The following DLGAP1 variants were observed in gnomAD, a reference collection of about 807,000 sequenced individuals.
DLGAP1 encodes DLG associated protein 1, also known as disks large-associated protein 1.
Under a neutral mutation model 90.8 loss-of-function variants are expected in DLGAP1, and 11 were observed. The observed-to-expected ratio is 0.12, with a 90% CI of 0.08 to 0.20. DLGAP1 has a LOEUF of 0.20. Among genes scored for constraint, DLGAP1 ranks in the 10% least tolerant of loss-of-function variants. The probability of loss-of-function intolerance (pLI) is 1.00; values close to 1 mark genes in which losing one functional copy is unlikely to be tolerated. For synonymous variants in DLGAP1, 558 were observed against 540.7 expected (o/e 1.03, Z -0.44); for missense variants, 1,050 against 1,333.8 (o/e 0.79, Z 3.31).
At chr18:3,850,715 C>A (rs1237051739) in intron 4 of DLGAP1, among the ~76,000 whole-genome samples, 1 of 152,116 alleles carries the variant, frequency 6.6e-6, no homozygotes, top group African/African-American at 2.4e-5. Context: ...CAGCATCATC[C>A]TAGAACAGGC....
chr18:3,892,998 T>A (rs1335059393), intron 3 of DLGAP1, among the ~76,000 whole-genome samples: 1 of 151,392 alleles, frequency 6.6e-6, no homozygotes, highest in Non-Finnish European at 1.5e-5. Context: ...GCTTTTAGTG[T>A]AGCCATCCCC....
At chr18:4,288,418 T>G (rs867815805) in intron 1 of DLGAP1, among the ~76,000 whole-genome samples, 1 of 152,156 alleles carries the variant, frequency 6.6e-6, no homozygotes, top group African/African-American at 2.4e-5. Flanking sequence ...CAAGAGAATT[T>G]TAGCTTTTCC....
chr18:4,101,481 T>G (rs1189885465), intron 2 of DLGAP1, among the ~76,000 whole-genome samples: 1 of 152,132 alleles, frequency 6.6e-6, no homozygotes, highest in Non-Finnish European at 1.5e-5. Flanking sequence ...AAAATATAAT[T>G]GTGAGAATTA....
intron 5 of DLGAP1, among the ~76,000 whole-genome samples, chr18:3,763,315 C>T (rs2064059113): frequency 6.6e-6 from 1 of 152,188 alleles, no homozygotes. Flanking sequence ...ACTCTTGGAC[C>T]TTCAACTACA....
intron 4 of DLGAP1, among the ~76,000 whole-genome samples, chr18:3,833,191 TTCCTTCCTTCCTTCCTTCCTTCC>T (rs2068149835): frequency 1.0e-4 from 10 of 98,566 alleles, no homozygotes; most frequent in African/African-American, 3.5e-4. Flanking sequence ...CCTTCCTTCC[TTCCTTCCTTCCTTCCTTCCTTCC>T]TTCCTTCCTT....
chr18:3,860,865 T>G (rs1038690935), intron 4 of DLGAP1, among the ~76,000 whole-genome samples: 2 of 152,232 alleles, frequency 1.3e-5, no homozygotes, highest in African/African-American at 4.8e-5. Context: ...TATACTCCCA[T>G]AGAAATACTT....
intron 1 of DLGAP1, among the ~76,000 whole-genome samples, chr18:4,360,956 CAA>C (rs569868348): frequency 7.2e-6 from 1 of 138,468 alleles, no homozygotes. Flanking sequence ...GATTCTACGT[CAA>C]AAAAAAAAAG....
chr18:3,693,793 G>C (rs2060983741), intron 7 of DLGAP1, among the ~76,000 whole-genome samples: 1 of 152,232 alleles, frequency 6.6e-6, no homozygotes, highest in Admixed American at 6.5e-5. Context: ...GAAGCTGCTA[G>C]AGGAGCATTT....
At chr18:3,791,343 A>T (rs1340538087) in intron 5 of DLGAP1, among the ~76,000 whole-genome samples, 4 of 151,004 alleles carry the variant, frequency 2.6e-5, no homozygotes, top group Non-Finnish European at 5.9e-5. Flanking sequence ...TGTGAAAACC[A>T]GCATTTTTTT....
intron 5 of DLGAP1, among the ~76,000 whole-genome samples, chr18:3,772,344 C>CTTTCTTTCTTTCTTTCTTTCTTTCTT (rs2064659708): frequency 1.3e-4 from 2 of 15,224 alleles, no homozygotes; most frequent in African/African-American, 3.8e-4. Context: ...CTCTCTCTCT[C>CTTTCTTTCTTTCTTTCTTTCTTTCTT]TCTCTTTCTT....
At chr18:3,855,385 G>A (rs2069578143) in intron 4 of DLGAP1, among the ~76,000 whole-genome samples, 1 of 151,960 alleles carries the variant, frequency 6.6e-6, no homozygotes, top group African/African-American at 2.4e-5. Context: ...CCCTTGGCAG[G>A]CAATTTGCCT....
At chr18:3,926,290 G>A (rs1417580009) in intron 3 of DLGAP1, among the ~76,000 whole-genome samples, 1 of 152,060 alleles carries the variant, frequency 6.6e-6, no homozygotes, top group Non-Finnish European at 1.5e-5. Flanking sequence ...CACAAGATGT[G>A]AGCAGCAGTC....
intron 10 of DLGAP1, among the ~76,000 whole-genome samples, chr18:3,516,436 C>T (rs2050852316): frequency 6.6e-6 from 1 of 152,226 alleles, no homozygotes; most frequent in Non-Finnish European, 1.5e-5. Context: ...TGCCCAGGTC[C>T]ATCAGAGGAC....
intron 11 of DLGAP1, among the ~76,000 whole-genome samples, chr18:3,503,047 A>G (rs939553301): frequency 5.3e-5 from 8 of 152,236 alleles, no homozygotes; most frequent in African/African-American, 1.9e-4. Context: ...ATGCCATACA[A>G]TTTATTCAGA....
At chr18:3,834,313 A>G in intron 4 of DLGAP1, among the ~76,000 whole-genome samples, 1 of 149,404 alleles carries the variant, frequency 6.7e-6, no homozygotes, top group African/African-American at 2.5e-5. Flanking sequence ...CTCAAAAAAA[A>G]AAAAAAAAAA....
At chr18:3,834,867 T>A (rs1276107150) in intron 4 of DLGAP1, among the ~76,000 whole-genome samples, 1 of 152,236 alleles carries the variant, frequency 6.6e-6, no homozygotes, top group Non-Finnish European at 1.5e-5. Context: ...CATTTTAGAA[T>A]TTGTGTTGTC....
At chr18:3,976,989 G>A (rs1469656080) in intron 3 of DLGAP1, among the ~76,000 whole-genome samples, 1 of 152,192 alleles carries the variant, frequency 6.6e-6, no homozygotes, top group African/African-American at 2.4e-5. Context: ...TTCTTTAGTA[G>A]CTATACAATC....
At chr18:4,226,930 A>T (rs1422795918) in intron 1 of DLGAP1, among the ~76,000 whole-genome samples, 2 of 152,014 alleles carry the variant, frequency 1.3e-5, no homozygotes, top group South Asian at 2.1e-4. Flanking sequence ...AATAGATAAA[A>T]TTTTTTAAAA....
At chr18:4,420,285 A>G (rs2082999096) in intron 1 of DLGAP1, among the ~76,000 whole-genome samples, 1 of 152,232 alleles carries the variant, frequency 6.6e-6, no homozygotes, top group Non-Finnish European at 1.5e-5. Context: ...ATAGTAAATC[A>G]GTAAGGATAT....
Sources: allele counts gnomAD v4.1 joint callset (sites outside exome capture counted in the v4.1 genomes callset), GRCh38; gene constraint gnomAD v4.1.1; transcripts MANE v1.5; gene names NCBI Gene and HGNC (gene_info 2026-07-23, HGNC 2026-07-21).